The following VOPP1 variants were observed in gnomAD, a reference collection of about 807,000 sequenced individuals.
The protein encoded by VOPP1 is VOPP1 WW domain binding protein.
VOPP1 carries 8 observed loss-of-function variants against 23.5 expected under a neutral mutation model. That is an observed-to-expected ratio of 0.34 (90% CI 0.20 to 0.61). The LOEUF (loss-of-function observed/expected upper bound fraction) is 0.61, where lower values mean the gene tolerates loss of function less well. Ranked by LOEUF, VOPP1 falls within the 20% of genes least tolerant of loss-of-function variation. VOPP1 has a pLI of 0.78. For synonymous variants in VOPP1, 83 were observed against 97.3 expected (o/e 0.85, Z 0.86); for missense variants, 174 against 238.1 (o/e 0.73, Z 1.77).
chr7:55,513,917 A>T (rs1233743245), intron 2 of VOPP1, among the ~76,000 whole-genome samples: 1 of 152,208 alleles, frequency 6.6e-6, no homozygotes, highest in Non-Finnish European at 1.5e-5. Flanking sequence ...GCACATCTAA[A>T]TAGCCAGCTC....
chr7:55,455,048 T>A (rs1340193461), intron 4 of VOPP1, among the ~76,000 whole-genome samples: 8 of 152,180 alleles, frequency 5.3e-5, no homozygotes, highest in African/African-American at 1.9e-4. Flanking sequence ...TGATTGTATA[T>A]TTAGAAAACC....
rs753017721 is a variant in VOPP1, at chr7:55,472,872, C to T, written c.502G>A (p.Val168Ile). The T allele has an allele frequency of 6.8e-4, 945 of 1,383,342 alleles. 4 individuals are homozygous for T. In the Middle Eastern group the frequency reaches 0.012, roughly 17 times the overall value. 85.7% of individuals were successfully genotyped at this position (1,383,342 alleles called of 1,614,324 possible). A position where few individuals can be genotyped will look rare whatever the true frequency, so the allele number is the denominator to read the frequency against. Reference sequence around the variant, plus strand: ...GCACCCCACTACTTGGCCTTCACTACCTGTTCGTACGGGGGCGGAGGCGTG... The same window carrying T: ...GCACCCCACTACTTGGCCTTCACTATCTGTTCGTACGGGGGCGGAGGCGTG... Reference protein sequence around the residue: ...CNTPPPPYEQVVKAK With the variant: ...CNTPPPPYEQIVKAK The change falls in exon 5 of 5, where the codon GTA (valine) becomes ATA (isoleucine). Residue 168 changes from valine (V) to isoleucine (I), a missense_variant. Coordinates refer to ENST00000285279, the MANE Select transcript of VOPP1 (RefSeq NM_030796.5).
chr7:55,526,255 G>A (rs1796186250), intron 1 of VOPP1, among the ~76,000 whole-genome samples: 1 of 152,254 alleles, frequency 6.6e-6, no homozygotes, highest in Non-Finnish European at 1.5e-5. Flanking sequence ...CCTGAAAGAC[G>A]TCTCTGCTCA....
intron 1 of VOPP1, among the ~76,000 whole-genome samples, chr7:55,531,972 T>A (rs1490444350): frequency 6.6e-6 from 1 of 152,256 alleles, no homozygotes; most frequent in African/African-American, 2.4e-5. Context: ...GAAAGATTAA[T>A]AAGTGGAGCA....
intron 4 of VOPP1, among the ~76,000 whole-genome samples, chr7:55,448,197 C>T (rs557435134): frequency 1.3e-5 from 2 of 151,918 alleles, no homozygotes; most frequent in Admixed American, 6.6e-5. Context: ...TGTGGATGTA[C>T]GTAAAACATA....
rs903845795 is a variant in VOPP1 at position 55,549,783 on chromosome 7, TTCCATACAAGAG to T, written c.54+22476_54+22487del. On this transcript the variant is annotated intron_variant, in intron 1 of 4. Coordinates refer to ENST00000285279, the MANE Select transcript of VOPP1 (RefSeq NM_030796.5). Reference sequence around the variant, plus strand: ...ACTTAGACAAAGAACACCTCCTTCTTTCCATACAAGAGAGTATGCACACATTCTACAAGAGAT... The same window carrying T: ...ACTTAGACAAAGAACACCTCCTTCTTAGTATGCACACATTCTACAAGAGAT... Among the ~76,000 whole-genome samples, 30 of 152,326 alleles carry T rather than the reference TTCCATACAAGAG, an allele frequency of 2.0e-4. 1 individual carries two copies. Among genetic ancestry groups the T allele is most frequent in the Middle Eastern group, 6.8e-3 (2 of 294 alleles).
intron 2 of VOPP1, among the ~76,000 whole-genome samples, chr7:55,516,486 T>C (rs1296318589): frequency 6.6e-6 from 1 of 152,166 alleles, no homozygotes; most frequent in Non-Finnish European, 1.5e-5. Flanking sequence ...GTAGCTACAG[T>C]AGAAAACCTA....
At chr7:55,449,730 C>T (rs527819537) in intron 4 of VOPP1, among the ~76,000 whole-genome samples, 13 of 152,098 alleles carry the variant, frequency 8.5e-5, no homozygotes. Flanking sequence ...AGGAGAGCAG[C>T]GAGCAGCCTG....
intron 4 of VOPP1, among the ~76,000 whole-genome samples, chr7:55,458,300 T>G (rs143443726): frequency 1.1e-4 from 17 of 152,244 alleles, no homozygotes; most frequent in African/African-American, 4.1e-4. Flanking sequence ...TTTATATCAA[T>G]ACTATGCTCT....
Position 55,572,302 on chromosome 7 carries a change from AC to A in VOPP1, c.22del (p.Val8TrpfsTer60), listed in dbSNP as rs1161985297. ...GAGCAGCCCGAGCAGCAGCGCCGCC[AC>A]CTTCGCAGGCTGGCGCCTCATGGCT... The part of the protein sequence containing the change: MRRQPAK[V>X]AALLLGLLLE... On this transcript the variant is annotated frameshift_variant, in exon 1 of 5. Coordinates refer to ENST00000285279, the MANE Select transcript of VOPP1 (RefSeq NM_030796.5). LOFTEE classifies it high-confidence loss of function. The A allele has an allele frequency of 4.0e-6, 6 of 1,511,704 alleles. No individual in the cohort carries two copies. The highest frequency in any genetic ancestry group is 5.3e-6 in the Non-Finnish European group (6 of 1,139,298). 93.6% of individuals were successfully genotyped at this position (1,511,704 alleles called of 1,614,324 possible). A position where few individuals can be genotyped will look rare whatever the true frequency, so the allele number is the denominator to read the frequency against.
chr7:55,460,876 G>A (rs564676241), intron 4 of VOPP1, among the ~76,000 whole-genome samples: 3 of 152,270 alleles, frequency 2.0e-5, no homozygotes, highest in African/African-American at 7.2e-5. Flanking sequence ...GTCTTTACAA[G>A]TGAAGTGAGT....
downstream of VOPP1, chr7:55,435,985 A>AG: frequency 6.6e-6 from 1 of 152,388 alleles, no homozygotes; most frequent in Non-Finnish European, 1.5e-5. Context: ...CTCCCTCAGA[A>AG]GGACCCCGGA....
intron 4 of VOPP1, among the ~76,000 whole-genome samples, chr7:55,461,707 C>A (rs147792792): frequency 6.6e-6 from 1 of 152,186 alleles, no homozygotes; most frequent in African/African-American, 2.4e-5. Flanking sequence ...TGAGCCACTG[C>A]GCCCGGCCCA....
intron 1 of VOPP1, chr7:55,571,855 A>G: frequency 6.0e-6 from 1 of 166,278 alleles, no homozygotes; most frequent in Non-Finnish European, 1.3e-5. Flanking sequence ...TCCTAACCCC[A>G]AACTGCCCGG....
intron 2 of VOPP1, among the ~76,000 whole-genome samples, chr7:55,500,717 G>A (rs1042221065): frequency 6.6e-6 from 1 of 152,202 alleles, no homozygotes; most frequent in Non-Finnish European, 1.5e-5. Flanking sequence ...CAAACGTCTT[G>A]TTAATTTTCA....
chr7:55,540,429 AT>A (rs1469215995), intron 1 of VOPP1, among the ~76,000 whole-genome samples: 5 of 151,240 alleles, frequency 3.3e-5, no homozygotes, highest in South Asian at 2.1e-4. Flanking sequence ...AAATAAATAA[AT>A]AAATAAATAA....
chr7:55,502,223 T>C (rs747276168), intron 2 of VOPP1, among the ~76,000 whole-genome samples: 2 of 152,218 alleles, frequency 1.3e-5, no homozygotes, highest in African/African-American at 2.4e-5. Flanking sequence ...TTAACACACA[T>C]ACACCCCTCA....
At chr7:55,535,093 T>A (rs943905726) in intron 1 of VOPP1, among the ~76,000 whole-genome samples, 9 of 152,170 alleles carry the variant, frequency 5.9e-5, no homozygotes, top group Non-Finnish European at 7.4e-5. Flanking sequence ...AGGGCCTGGC[T>A]GGGGGACTCC....
At chr7:55,486,864 C>T (rs1793181120) in intron 4 of VOPP1, among the ~76,000 whole-genome samples, 3 of 152,222 alleles carry the variant, frequency 2.0e-5, no homozygotes, top group South Asian at 2.1e-4. Flanking sequence ...TGAGACCCCA[C>T]AATGCAACAG....
Sources: gnomAD v4.1 joint callset for allele counts (sites outside exome capture counted in the v4.1 genomes callset) on GRCh38, gnomAD v4.1.1 for gene constraint, MANE v1.5 for transcripts, NCBI Gene and HGNC (gene_info 2026-07-23, HGNC 2026-07-21) for gene names.